COL22A1: variants seen among roughly 807,000 people sequenced by gnomAD.
The protein encoded by COL22A1 is collagen alpha-1(XXII) chain.
In COL22A1, 221 loss-of-function variants were observed where a neutral mutation model predicts 248.9. That is an observed-to-expected ratio of 0.89 (90% CI 0.80 to 0.99). The LOEUF (loss-of-function observed/expected upper bound fraction) is 0.99, where lower values mean the gene tolerates loss of function less well. Among genes scored for constraint, COL22A1 ranks in the 50% least tolerant of loss-of-function variants. The pLI is 0.00. For synonymous variants in COL22A1, 891 were observed against 793.4 expected (o/e 1.12, Z -2.07); for missense variants, 2,240 against 2,179.0 (o/e 1.03, Z -0.56).
At chr8:138,689,502 G>A (rs1475490737) in intron 36 of COL22A1, among the ~76,000 whole-genome samples, 1 of 152,134 alleles carries the variant, frequency 6.6e-6, no homozygotes, top group African/African-American at 2.4e-5. Context: ...GATCACTTGA[G>A]GTCAGGAGTT....
chr8:138,776,050 C>T, intron 15 of COL22A1, 40 bp from the exon 16 acceptor site: 3 of 1,605,722 alleles, frequency 1.9e-6, no homozygotes, highest in Non-Finnish European at 2.6e-6. Flanking sequence ...ACATCTTAAT[C>T]TGGCTTCTCT....
intron 16 of COL22A1, among the ~76,000 whole-genome samples, chr8:138,767,674 A>G (rs1408089366): frequency 6.6e-6 from 1 of 152,176 alleles, no homozygotes; most frequent in Non-Finnish European, 1.5e-5. Flanking sequence ...TCCCATTTTC[A>G]CGGCAGAAAA....
intron 36 of COL22A1, among the ~76,000 whole-genome samples, chr8:138,690,508 C>G (rs1826754482): frequency 1.3e-5 from 2 of 152,154 alleles, no homozygotes; most frequent in South Asian, 4.1e-4. Context: ...GTCAGGGGAC[C>G]TTTGACTTCT....
At chr8:138,721,495 A>G (rs1829869264) in intron 26 of COL22A1, among the ~76,000 whole-genome samples, 1 of 152,242 alleles carries the variant, frequency 6.6e-6, no homozygotes, top group Non-Finnish European at 1.5e-5. Flanking sequence ...GCCCCACCAG[A>G]ACATTGTTAA....
At chr8:138,821,657 AAAGG>A (rs1217968541) in intron 6 of COL22A1, among the ~76,000 whole-genome samples, 1 of 152,130 alleles carries the variant, frequency 6.6e-6, no homozygotes, top group Non-Finnish European at 1.5e-5. Context: ...CCCAGTATTA[AAAGG>A]AATAATTGCA....
chr8:138,811,198 CGTG>C (rs1211237032), intron 9 of COL22A1, among the ~76,000 whole-genome samples: 1 of 139,884 alleles, frequency 7.1e-6, no homozygotes, highest in Non-Finnish European at 1.6e-5. Context: ...CTAGGACGGT[CGTG>C]GTGGTGTTCA....
intron 34 of COL22A1, 130 bp downstream of exon 34, chr8:138,694,378 G>T: frequency 1.1e-6 from 1 of 929,106 alleles, no homozygotes; most frequent in Non-Finnish European, 1.8e-6. Context: ...GCAGCACATT[G>T]GGGCTGCTCT....
At chr8:138,764,156 C>T (rs1310533298) in intron 16 of COL22A1, among the ~76,000 whole-genome samples, 1 of 152,154 alleles carries the variant, frequency 6.6e-6, no homozygotes, top group East Asian at 1.9e-4. Flanking sequence ...GTTTTCAGCT[C>T]ATGGCTGCTG....
chr8:138,648,352 G>A (rs1385841941), intron 46 of COL22A1, among the ~76,000 whole-genome samples: 1 of 152,186 alleles, frequency 6.6e-6, no homozygotes, highest in Non-Finnish European at 1.5e-5. Context: ...ACTGCTTAAG[G>A]CTCAGAGAGT....
intron 39 of COL22A1, among the ~76,000 whole-genome samples, chr8:138,680,458 T>G (rs1825872368): frequency 6.6e-6 from 1 of 152,220 alleles, no homozygotes; most frequent in Non-Finnish European, 1.5e-5. Flanking sequence ...CAAAGCTTAC[T>G]TATCCTGCTA....
chr8:138,813,301 G>A (rs1818396414), intron 7 of COL22A1, among the ~76,000 whole-genome samples: 2 of 65,626 alleles, frequency 3.0e-5, no homozygotes, highest in Admixed American at 1.4e-4. Flanking sequence ...GAGGGACCCG[G>A]TGGGAGATAA....
At chr8:138,710,890 C>G (rs1828908284) in intron 30 of COL22A1, among the ~76,000 whole-genome samples, 1 of 152,168 alleles carries the variant, frequency 6.6e-6, no homozygotes, top group African/African-American at 2.4e-5. Context: ...AATTTACTCT[C>G]CATTAAAATG....
At chr8:138,880,969 G>C (rs1384793635) in intron 2 of COL22A1, among the ~76,000 whole-genome samples, 1 of 152,252 alleles carries the variant, frequency 6.6e-6, no homozygotes, top group Non-Finnish European at 1.5e-5. Context: ...AGGCGGGATT[G>C]TGTGCCCGTG....
chr8:138,827,730 C>T (rs1390113659), intron 5 of COL22A1, among the ~76,000 whole-genome samples: 1 of 151,910 alleles, frequency 6.6e-6, no homozygotes, highest in Non-Finnish European at 1.5e-5. Context: ...CCACCGAGAA[C>T]CAAGATGCCA....
chr8:138,836,953 C>T (rs1329113547), intron 4 of COL22A1, among the ~76,000 whole-genome samples: 1 of 152,160 alleles, frequency 6.6e-6, no homozygotes, highest in Admixed American at 6.5e-5. Context: ...TTATGTTTAA[C>T]GCAGCCCAAG....
chr8:138,906,369 CA>C (rs9324499), intron 1 of COL22A1, among the ~76,000 whole-genome samples: 1 of 143,930 alleles, frequency 6.9e-6, no homozygotes, highest in Non-Finnish European at 1.5e-5. Flanking sequence ...GACTCCGTCT[CA>C]AAAAAAAAAA....
At chr8:138,828,182 A>G (rs1586839982) in intron 5 of COL22A1, 1 of 152,092 alleles carries the variant, frequency 6.6e-6, no homozygotes, top group Non-Finnish European at 1.5e-5. Context: ...AAAACTGTCA[A>G]CAGCCGTTTC....
At chr8:138,650,711 TAGATAG>T (rs1822643266) in intron 45 of COL22A1, among the ~76,000 whole-genome samples, 1 of 77,662 alleles carries the variant, frequency 1.3e-5, no homozygotes, top group Admixed American at 1.2e-4. Flanking sequence ...GATAGATAGA[TAGATAG>T]ACAGATAGAC....
intron 56 of COL22A1, among the ~76,000 whole-genome samples, chr8:138,613,044 A>C (rs550170190): frequency 2.6e-5 from 4 of 151,572 alleles, no homozygotes; most frequent in South Asian, 2.1e-4. Flanking sequence ...GTCAGGAGAT[A>C]GAGACCATCC....
Sources: gnomAD v4.1 joint callset for allele counts (sites outside exome capture counted in the v4.1 genomes callset) on GRCh38, gnomAD v4.1.1 for gene constraint, MANE v1.5 for transcripts, NCBI Gene and HGNC (gene_info 2026-07-23, HGNC 2026-07-21) for gene names.